The following PKIB variants were observed in gnomAD, a reference collection of about 807,000 sequenced individuals.
PKIB encodes the protein cAMP-dependent protein kinase inhibitor beta.
In PKIB, 2 loss-of-function variants were observed where a neutral mutation model predicts 4.5. The observed-to-expected ratio is 0.44, with a 90% CI of 0.18 to 1.39. The LOEUF is 1.39. Among genes scored for constraint, PKIB ranks in the 40% most tolerant of loss-of-function variants. The pLI is 0.27. For synonymous variants in PKIB, 38 were observed against 36.0 expected, an observed-to-expected ratio of 1.06 and a Z score of -0.20; for missense variants, 94 against 92.6, an observed-to-expected ratio of 1.02 and a Z score of -0.06.
intron 2 of PKIB, among the ~76,000 whole-genome samples, chr6:122,667,766 T>C (rs1023975184): frequency 6.6e-6 from 1 of 152,216 alleles, no homozygotes; most frequent in African/African-American, 2.4e-5. Context: ...GTGAATCTGC[T>C]GTTTTGGTGC....
At chr6:122,666,375 A>G (rs1167550035) in intron 2 of PKIB, among the ~76,000 whole-genome samples, 1 of 152,240 alleles carries the variant, frequency 6.6e-6, no homozygotes, top group African/African-American at 2.4e-5. Flanking sequence ...GTTTAATAGC[A>G]GTATCTTGAC....
In PKIB at chr6:122,725,116, T is replaced by C. The variant is rs1183195356; in HGVS notation, c.170-12T>C. ...AATATATTCCACATATGAATGGAAA[T>C]TTTTTTTTCAGATGCAAAAGAGAAA... On this transcript the variant is annotated splice_polypyrimidine_tract_variant and intron_variant, in intron 4 of 4. Coordinates refer to ENST00000368452, the MANE Select transcript of PKIB (RefSeq NM_181795.3). The C allele has an allele frequency of 1.9e-6, 3 of 1,566,762 alleles. No individual in the cohort carries two copies. The Admixed American group carries it at 5.3e-5, about 28-fold the overall frequency.
chr6:122,573,454 A>G (rs1387427685), intron 2 of PKIB, among the ~76,000 whole-genome samples: 2 of 150,586 alleles, frequency 1.3e-5, no homozygotes, highest in African/African-American at 4.9e-5. Context: ...CCCATGAAGC[A>G]GAGGTTGCAG....
intron 1 of PKIB, among the ~76,000 whole-genome samples, chr6:122,623,635 C>A (rs927482605): frequency 6.6e-6 from 1 of 152,256 alleles, no homozygotes; most frequent in African/African-American, 2.4e-5. Flanking sequence ...TCTGTACTCT[C>A]TGTAGGATCT....
intron 3 of PKIB, among the ~76,000 whole-genome samples, chr6:122,687,669 A>G (rs1267471328): frequency 6.6e-6 from 1 of 152,066 alleles, no homozygotes; most frequent in East Asian, 1.9e-4. Context: ...TTTTTATTGT[A>G]GAGATATTTC....
At chr6:122,476,648 A>G (rs911216539) in intron 1 of PKIB, among the ~76,000 whole-genome samples, 2 of 152,204 alleles carry the variant, frequency 1.3e-5, no homozygotes, top group African/African-American at 4.8e-5. Flanking sequence ...GGAAAAAAGG[A>G]AATATTCACT....
At chr6:122,492,627 T>C (rs1283177978) in intron 2 of PKIB, among the ~76,000 whole-genome samples, 1 of 152,194 alleles carries the variant, frequency 6.6e-6, no homozygotes, top group African/African-American at 2.4e-5. Context: ...GTTTGACTTA[T>C]TATTTTTATA....
intron 2 of PKIB, among the ~76,000 whole-genome samples, chr6:122,517,682 C>G (rs1254555060): frequency 1.3e-5 from 2 of 152,156 alleles, no homozygotes; most frequent in African/African-American, 4.8e-5. Context: ...ATTATTTTCA[C>G]TTTGTCTATG....
chr6:122,614,815 T>G (rs924831578), intron 1 of PKIB, among the ~76,000 whole-genome samples: 2 of 152,334 alleles, frequency 1.3e-5, no homozygotes, highest in South Asian at 2.1e-4. Flanking sequence ...TGTGCATGTG[T>G]GTGTAAAGAG....
chr6:122,500,142 A>C (rs1304287245), intron 2 of PKIB, among the ~76,000 whole-genome samples: 1 of 152,198 alleles, frequency 6.6e-6, no homozygotes, highest in Admixed American at 6.5e-5. Context: ...CTATGGATTC[A>C]ATGCTATTTC....
intron 2 of PKIB, among the ~76,000 whole-genome samples, chr6:122,667,869 A>G (rs972463956): frequency 6.6e-6 from 1 of 152,180 alleles, no homozygotes; most frequent in African/African-American, 2.4e-5. Flanking sequence ...AATGCCAGGA[A>G]TTCTAGAACC....
chr6:122,644,594 TGTAAA>T (rs1384271034), intron 2 of PKIB: 4 of 152,246 alleles, frequency 2.6e-5, no homozygotes, highest in African/African-American at 9.6e-5. Context: ...GGTTGATATT[TGTAAA>T]GTACTTAGAA....
At chr6:122,719,806 T>TTAACATATGTTAA (rs1381897334) in intron 4 of PKIB, among the ~76,000 whole-genome samples, 1 of 151,896 alleles carries the variant, frequency 6.6e-6, no homozygotes. Context: ...ATTAGCTTGA[T>TTAACATATGTTAA]TTAGCCACTC....
intron 3 of PKIB, among the ~76,000 whole-genome samples, chr6:122,711,999 C>T (rs1449646126): frequency 6.6e-6 from 1 of 151,882 alleles, no homozygotes; most frequent in Admixed American, 6.6e-5. Flanking sequence ...CAGAGAAATA[C>T]CATCTTTTGA....
At chr6:122,508,900 G>A (rs886137685) in intron 2 of PKIB, among the ~76,000 whole-genome samples, 6 of 151,748 alleles carry the variant, frequency 4.0e-5, no homozygotes, top group Middle Eastern at 3.2e-3. Flanking sequence ...ACAGGTGCCC[G>A]CCACCATGCC....
chr6:122,583,458 A>G (rs1032808962), intron 2 of PKIB, among the ~76,000 whole-genome samples: 1 of 152,108 alleles, frequency 6.6e-6, no homozygotes, highest in Non-Finnish European at 1.5e-5. Flanking sequence ...TCATCTTGCA[A>G]AATAAAATTA....
intron 1 of PKIB, among the ~76,000 whole-genome samples, chr6:122,628,704 A>G (rs1368129488): frequency 7.1e-6 from 1 of 140,830 alleles, no homozygotes; most frequent in Non-Finnish European, 1.6e-5. Flanking sequence ...CCCCAGTTAG[A>G]CTTATTGCCT....
intron 2 of PKIB, among the ~76,000 whole-genome samples, chr6:122,673,971 G>A (rs1231177912): frequency 6.6e-6 from 1 of 152,200 alleles, no homozygotes; most frequent in East Asian, 1.9e-4. Flanking sequence ...CAGAAGAGAT[G>A]AAGAAGATAT....
intron 3 of PKIB, among the ~76,000 whole-genome samples, chr6:122,711,598 C>G (rs1263120073): frequency 6.6e-6 from 1 of 152,094 alleles, no homozygotes; most frequent in Non-Finnish European, 1.5e-5. Context: ...AATAAGATGA[C>G]CAGTTAAATC....
Sources: allele counts gnomAD v4.1 joint callset (sites outside exome capture counted in the v4.1 genomes callset), GRCh38; gene constraint gnomAD v4.1.1; transcripts MANE v1.5; gene names NCBI Gene and HGNC (gene_info 2026-07-23, HGNC 2026-07-21).